The following SORCS3 variants were observed in gnomAD, a reference collection of about 807,000 sequenced individuals.
SORCS3 encodes sortilin related VPS10 domain containing receptor 3.
Under a neutral mutation model 146.3 loss-of-function variants are expected in SORCS3, and 57 were observed. That is an observed-to-expected ratio of 0.39 (90% CI 0.31 to 0.49). SORCS3 has a LOEUF of 0.49. SORCS3 is among the 20% of genes least tolerant of loss of function. The probability of loss-of-function intolerance (pLI) is 0.92; values close to 1 mark genes in which losing one functional copy is unlikely to be tolerated. For missense variants in SORCS3, 1,341 were observed against 1,575.5 expected, an observed-to-expected ratio of 0.85 and a Z score of 2.52; for synonymous variants, 653 against 618.5, an observed-to-expected ratio of 1.06 and a Z score of -0.83.
At chr10:104,962,490 A>G (rs2054801892) in intron 3 of SORCS3, among the ~76,000 whole-genome samples, 1 of 151,958 alleles carries the variant, frequency 6.6e-6, no homozygotes, top group South Asian at 2.1e-4. Context: ...GCAGATTCTT[A>G]CTCCATAGGG....
intron 6 of SORCS3, among the ~76,000 whole-genome samples, chr10:105,095,924 G>T (rs767996827): frequency 6.6e-6 from 1 of 152,042 alleles, no homozygotes; most frequent in Non-Finnish European, 1.5e-5. Flanking sequence ...ATTAAATATT[G>T]CTCTATGTAG....
rs141866411 is a variant in SORCS3, at chr10:105,002,866, A to G, written c.954+25373A>G. 3.3e-3 allele frequency among the ~76,000 whole-genome samples: 510 copies of G among 152,300 alleles called. 5 individuals carry two copies. Among genetic ancestry groups the G allele is most frequent in the African/African-American group, 0.011 (474 of 41,574 alleles). On this transcript the variant is annotated intron_variant, in intron 4 of 26. Transcript: ENST00000369701. ...CTTTACCTACAAAATAGGGAGCACA[A>G]TTGGAACAGCAAAATAAGGAATATC...
chr10:104,790,515 A>G (rs778470040), intron 1 of SORCS3, among the ~76,000 whole-genome samples: 7 of 152,164 alleles, frequency 4.6e-5, no homozygotes, highest in Non-Finnish European at 1.0e-4. Flanking sequence ...TGGCTCAAAT[A>G]TCACCTTTTC....
intron 12 of SORCS3, among the ~76,000 whole-genome samples, chr10:105,164,961 T>G (rs10884108): frequency 0.21 from 32,455 of 152,218 alleles, 3,532 homozygotes; most frequent in African/African-American, 0.25. Flanking sequence ...AATAGAATGT[T>G]CAGCGATGAT....
At chr10:104,796,669 A>G (rs1367544639) in intron 1 of SORCS3, among the ~76,000 whole-genome samples, 1 of 152,236 alleles carries the variant, frequency 6.6e-6, no homozygotes, top group African/African-American at 2.4e-5. Flanking sequence ...AAATAAGTAC[A>G]TCAAATTTAG....
chr10:104,681,555 C>T (rs973278143), intron 1 of SORCS3, among the ~76,000 whole-genome samples: 1 of 152,218 alleles, frequency 6.6e-6, no homozygotes, highest in Non-Finnish European at 1.5e-5. Context: ...GGTTTGCACT[C>T]TAGCCCTGTG....
chr10:104,857,641 C>T (rs1299742073), intron 2 of SORCS3, among the ~76,000 whole-genome samples: 1 of 152,122 alleles, frequency 6.6e-6, no homozygotes, highest in East Asian at 1.9e-4. Context: ...ACTTTTCCCC[C>T]CAGAATCTCT....
At chr10:105,147,558 C>T in intron 8 of SORCS3, 59 bp from the exon 9 acceptor site, 1 of 1,439,140 alleles carries the variant, frequency 6.9e-7, no homozygotes, top group Non-Finnish European at 9.4e-7. Context: ...TACTTGGCAT[C>T]CCAATGGGCA....
chr10:104,882,691 A>AT (rs983836129), intron 2 of SORCS3, among the ~76,000 whole-genome samples: 4 of 152,102 alleles, frequency 2.6e-5, no homozygotes, highest in South Asian at 4.1e-4. Flanking sequence ...ATACACTATG[A>AT]TTTTTTATTT....
intron 1 of SORCS3, among the ~76,000 whole-genome samples, chr10:104,714,634 T>G (rs1242972011): frequency 1.3e-5 from 2 of 152,244 alleles, no homozygotes; most frequent in African/African-American, 4.8e-5. Flanking sequence ...GGATTTCTAT[T>G]CTTTTAAACT....
chr10:104,914,320 C>T (rs2019002302), intron 2 of SORCS3, among the ~76,000 whole-genome samples: 1 of 152,126 alleles, frequency 6.6e-6, no homozygotes, highest in African/African-American at 2.4e-5. Flanking sequence ...GAGGCATGTA[C>T]AGTGTGCCTT....
chr10:104,766,418 C>G (rs1037992891), intron 1 of SORCS3, among the ~76,000 whole-genome samples: 1 of 152,226 alleles, frequency 6.6e-6, no homozygotes, highest in Non-Finnish European at 1.5e-5. Context: ...CTGTACTTAC[C>G]TCTGTCCAGG....
chr10:105,113,032 G>T (rs778660081), intron 7 of SORCS3, among the ~76,000 whole-genome samples: 1 of 152,164 alleles, frequency 6.6e-6, no homozygotes, highest in African/African-American at 2.4e-5. Flanking sequence ...GGAGGAGGAC[G>T]CCTGGAAAGG....
At chr10:104,681,790 C>T (rs914232778) in intron 1 of SORCS3, among the ~76,000 whole-genome samples, 2 of 152,152 alleles carry the variant, frequency 1.3e-5, no homozygotes, top group Non-Finnish European at 2.9e-5. Context: ...CTCCCTTTCT[C>T]GGAATGCTCT....
At chr10:104,679,790 C>A (rs1402526662) in intron 1 of SORCS3, among the ~76,000 whole-genome samples, 1 of 152,132 alleles carries the variant, frequency 6.6e-6, no homozygotes, top group Non-Finnish European at 1.5e-5. Context: ...TGTTGACCTT[C>A]TTTTAATTGC....
chr10:104,873,388 C>G (rs1057191444), intron 2 of SORCS3, among the ~76,000 whole-genome samples: 12 of 152,158 alleles, frequency 7.9e-5, no homozygotes, highest in African/African-American at 2.9e-4. Context: ...GGAATGTGTA[C>G]AGTTGTTGAG....
intron 18 of SORCS3, among the ~76,000 whole-genome samples, 171 bp from the exon 19 acceptor site, chr10:105,216,765 C>G (rs540093086): frequency 1.3e-5 from 2 of 152,114 alleles, no homozygotes; most frequent in African/African-American, 2.4e-5. Flanking sequence ...AGTGCCTGCC[C>G]GTAGTACCCT....
chr10:104,846,989 C>T (rs2018213671), intron 2 of SORCS3, among the ~76,000 whole-genome samples: 1 of 152,186 alleles, frequency 6.6e-6, no homozygotes, highest in Non-Finnish European at 1.5e-5. Flanking sequence ...ACAGACATAA[C>T]CCTCCTATTT....
intron 1 of SORCS3, among the ~76,000 whole-genome samples, chr10:104,734,970 ATC>A (rs1456277757): frequency 6.6e-6 from 1 of 152,230 alleles, no homozygotes; most frequent in Non-Finnish European, 1.5e-5. Context: ...CAAGTTAGGT[ATC>A]TCTTTTTTTA....
Sources: allele counts gnomAD v4.1 joint callset (sites outside exome capture counted in the v4.1 genomes callset), GRCh38; gene constraint gnomAD v4.1.1; transcripts MANE v1.5; gene names NCBI Gene and HGNC (gene_info 2026-07-23, HGNC 2026-07-21).